Variants in SPMIP2 observed in about 807,000 individuals in gnomAD.
SPMIP2 encodes protein SPMIP2.
chr4:159,081,038 CTT>C, the SPMIP2 span, among the ~76,000 whole-genome samples: 191 of 118,376 alleles, frequency 1.6e-3, no homozygotes, highest in Middle Eastern at 4.6e-3. Flanking sequence ...GTTTCTTTCT[CTT>C]TTTTTTTTTT....
At chr4:159,018,692 T>C in the SPMIP2 span, among the ~76,000 whole-genome samples, 1 of 152,314 alleles carries the variant, frequency 6.6e-6, no homozygotes, top group East Asian at 1.9e-4. Flanking sequence ...TTTGAGGTCA[T>C]CTCTGAATTA....
At chr4:158,972,796 G>C in the SPMIP2 span, among the ~76,000 whole-genome samples, 1 of 152,058 alleles carries the variant, frequency 6.6e-6, no homozygotes, top group Non-Finnish European at 1.5e-5. Context: ...GTGTGTGCAA[G>C]TGCCTCAGCC....
the SPMIP2 span, among the ~76,000 whole-genome samples, chr4:158,995,855 C>CAAAAAA: frequency 1.4e-5 from 1 of 70,750 alleles, no homozygotes; most frequent in Non-Finnish European, 2.6e-5. Flanking sequence ...GACTCCATCT[C>CAAAAAA]AAAAAAAAAA....
chr4:159,069,391 A>C, the SPMIP2 span, among the ~76,000 whole-genome samples: 9 of 152,068 alleles, frequency 5.9e-5, no homozygotes, highest in African/African-American at 2.2e-4. Flanking sequence ...ATAATGCTAG[A>C]AGTCTTTAGG....
At chr4:158,904,421 C>T in the SPMIP2 span, 49 of 1,458,902 alleles carry the variant, frequency 3.4e-5, 1 homozygote, top group South Asian at 5.2e-4. Context: ...TCTCATAAAA[C>T]CATGCTCTTT....
the SPMIP2 span, among the ~76,000 whole-genome samples, chr4:158,953,605 C>T: frequency 7.9e-5 from 12 of 152,126 alleles, no homozygotes; most frequent in Admixed American, 7.2e-4. Context: ...TCCTCCAGAC[C>T]CCAGAATGGT....
chr4:158,980,081 G>T, the SPMIP2 span, among the ~76,000 whole-genome samples: 4 of 152,104 alleles, frequency 2.6e-5, no homozygotes, highest in Admixed American at 2.0e-4. Context: ...TGTAAACAAA[G>T]CTTCTGGGAA....
chr4:159,076,816 C>T, the SPMIP2 span, among the ~76,000 whole-genome samples: 1 of 150,498 alleles, frequency 6.6e-6, no homozygotes, highest in African/African-American at 2.4e-5. Flanking sequence ...TACAGACATG[C>T]ATCACCATTC....
the SPMIP2 span, among the ~76,000 whole-genome samples, chr4:158,920,273 T>C: frequency 3.9e-5 from 6 of 152,304 alleles, no homozygotes; most frequent in African/African-American, 1.4e-4. Context: ...TTGAACAATA[T>C]GAAATCAGTG....
At chr4:158,925,769 T>G in the SPMIP2 span, among the ~76,000 whole-genome samples, 2 of 152,208 alleles carry the variant, frequency 1.3e-5, no homozygotes, top group Admixed American at 6.5e-5. Context: ...GCCCAGGGGA[T>G]GGGGACACCT....
At chr4:159,046,580 G>GT in the SPMIP2 span, among the ~76,000 whole-genome samples, 1 of 151,984 alleles carries the variant, frequency 6.6e-6, no homozygotes, top group Non-Finnish European at 1.5e-5. Flanking sequence ...TTGTTTGTTT[G>GT]TTTTTTTACT....
At chr4:159,077,658 C>A in the SPMIP2 span, among the ~76,000 whole-genome samples, 3 of 152,078 alleles carry the variant, frequency 2.0e-5, no homozygotes, top group Non-Finnish European at 4.4e-5. Flanking sequence ...TGAAAAATTT[C>A]TTTCCTTAAA....
At chr4:158,905,707 AAAAC>A in the SPMIP2 span, 1 of 151,810 alleles carries the variant, frequency 6.6e-6, no homozygotes, top group African/African-American at 2.4e-5. Context: ...AAAAAAAAAA[AAAAC>A]AACCTAATTT....
chr4:159,034,427 T>C, the SPMIP2 span, among the ~76,000 whole-genome samples: 1 of 152,254 alleles, frequency 6.6e-6, no homozygotes, highest in Non-Finnish European at 1.5e-5. Context: ...TTTTATTACA[T>C]CAAAGAAGTT....
At chr4:159,065,721 G>A in the SPMIP2 span, among the ~76,000 whole-genome samples, 1 of 152,144 alleles carries the variant, frequency 6.6e-6, no homozygotes, top group Non-Finnish European at 1.5e-5. Flanking sequence ...TGTTAAATAT[G>A]CCACATACAT....
chr4:159,057,780 T>G, the SPMIP2 span, among the ~76,000 whole-genome samples: 1 of 145,968 alleles, frequency 6.9e-6, no homozygotes, highest in Non-Finnish European at 1.5e-5. Context: ...CAAAAAATTT[T>G]GAGTACATGA....
the SPMIP2 span, among the ~76,000 whole-genome samples, chr4:158,964,763 T>G: frequency 6.6e-6 from 1 of 152,148 alleles, no homozygotes; most frequent in East Asian, 1.9e-4. Flanking sequence ...TCCACATGAC[T>G]GGGGAGGCCT....
At chr4:158,895,719 G>T in the SPMIP2 span, 1 of 1,362,172 alleles carries the variant, frequency 7.3e-7, no homozygotes. Flanking sequence ...TTGACTTCTA[G>T]CCCTCATTGT....
chr4:159,000,408 T>C, the SPMIP2 span, among the ~76,000 whole-genome samples: 1 of 152,088 alleles, frequency 6.6e-6, no homozygotes, highest in African/African-American at 2.4e-5. Context: ...TCTGTTACTA[T>C]AGATTAGTTT....
Sources: allele counts gnomAD v4.1 joint callset (sites outside exome capture counted in the v4.1 genomes callset), GRCh38; gene constraint gnomAD v4.1.1; transcripts MANE v1.5; gene names NCBI Gene and HGNC (gene_info 2026-07-23, HGNC 2026-07-21).